The following CAPN3 variants were observed in gnomAD, a reference collection of about 807,000 sequenced individuals.
CAPN3 encodes calpain-3.
Under a neutral mutation model 114.0 loss-of-function variants are expected in CAPN3, and 88 were observed. The observed-to-expected ratio is 0.77, with a 90% CI of 0.65 to 0.92. The LOEUF is 0.92. Ranked by LOEUF, CAPN3 falls within the 40% of genes least tolerant of loss-of-function variation. The probability of loss-of-function intolerance (pLI) is 0.00; values close to 1 mark genes in which losing one functional copy is unlikely to be tolerated. For synonymous variants in CAPN3, 386 were observed against 382.9 expected, an observed-to-expected ratio of 1.01 and a Z score of -0.09; for missense variants, 1,028 against 1,069.0, an observed-to-expected ratio of 0.96 and a Z score of 0.53.
At chr15:42,400,343 C>T (rs2053828974) in intron 10 of CAPN3, among the ~76,000 whole-genome samples, 1 of 152,078 alleles carries the variant, frequency 6.6e-6, no homozygotes, top group Non-Finnish European at 1.5e-5. Context: ...GGAGGGGAGA[C>T]AGCAGATTTA....
intron 14 of CAPN3, chr15:42,403,996 A>G (rs1595839895): frequency 1.5e-6 from 1 of 654,410 alleles, no homozygotes. Flanking sequence ...AGGGGCTGGG[A>G]AATATGGAAG....
chr15:42,363,061 A>G (rs774564279), intron 1 of CAPN3, among the ~76,000 whole-genome samples: 36 of 152,190 alleles, frequency 2.4e-4, no homozygotes, highest in Non-Finnish European at 4.8e-4. Flanking sequence ...GCCAACTATA[A>G]TTCTAGTTAA....
At chr15:42,403,891 G>A in intron 14 of CAPN3, 114 bp downstream of exon 14, 2 of 952,318 alleles carry the variant, frequency 2.1e-6, no homozygotes, top group Non-Finnish European at 3.4e-6. Context: ...GGGAGTCTGG[G>A]CTGTGCTGAG....
intron 7 of CAPN3, 89 bp from the exon 8 acceptor site, chr15:42,394,167 C>G (rs2053630196): frequency 8.2e-7 from 1 of 1,221,500 alleles, no homozygotes; most frequent in South Asian, 1.3e-5. Context: ...AGAGATTTGC[C>G]CCCCAGCCCC....
intron 5 of CAPN3, 138 bp from the exon 6 acceptor site, chr15:42,389,815 T>C (rs1323513803): frequency 1.9e-5 from 18 of 931,502 alleles, no homozygotes; most frequent in Non-Finnish European, 2.9e-5. Flanking sequence ...CCGTCTTTCC[T>C]CCATTCGTGC....
rs1399736863 is a variant in CAPN3, at chr15:42,387,627, C to T, written c.499-126C>T. 8 of 1,187,740 alleles carry T rather than the reference C, an allele frequency of 6.7e-6. No individual in the cohort carries two copies. In the African/African-American group the frequency reaches 1.2e-4, roughly 18 times the overall value. 73.6% of individuals were successfully genotyped at this position (1,187,740 alleles called of 1,614,324 possible). On this transcript the variant is annotated intron_variant, in intron 3 of 23. Transcript: ENST00000397163. ...AACACAAAATAGGATGAACAGGCAC[C>T]CAGATGCAGAGTCCAGGAAATGATG...
At chr15:42,405,992 AT>A (rs768913000) in intron 15 of CAPN3, 49 bp downstream of exon 15, 3 of 1,493,320 alleles carry the variant, frequency 2.0e-6, no homozygotes, top group South Asian at 2.3e-5. Context: ...ATGCATATGT[AT>A]GTGCATGCAT....
chr15:42,408,499 T>A, intron 16 of CAPN3, 175 bp downstream of exon 16: 2 of 615,402 alleles, frequency 3.2e-6, no homozygotes, highest in South Asian at 3.0e-5. Flanking sequence ...GGGCTGCTGC[T>A]TGGGTGAATA....
At chr15:42,405,873 T>G in intron 14 of CAPN3, 53 bp from the exon 15 acceptor site, 3 of 1,506,082 alleles carry the variant, frequency 2.0e-6, no homozygotes, top group Non-Finnish European at 1.8e-6. Flanking sequence ...CTGGCGGTTC[T>G]GAGAACTTAC....
At chr15:42,375,408 T>C (rs995565345) in intron 1 of CAPN3, among the ~76,000 whole-genome samples, 2 of 152,018 alleles carry the variant, frequency 1.3e-5, no homozygotes, top group African/African-American at 2.4e-5. Context: ...GGCTACCTTA[T>C]GGCGCAACCG....
intron 1 of CAPN3, among the ~76,000 whole-genome samples, chr15:42,384,264 T>C (rs1308731140): frequency 3.9e-5 from 6 of 152,032 alleles, no homozygotes; most frequent in Non-Finnish European, 7.4e-5. Flanking sequence ...ATACAAAAAT[T>C]AGCTGGGCAT....
intron 15 of CAPN3, among the ~76,000 whole-genome samples, chr15:42,407,732 A>G (rs1306522729): frequency 1.3e-5 from 2 of 152,132 alleles, no homozygotes; most frequent in African/African-American, 4.8e-5. Flanking sequence ...TTTTCAATCT[A>G]TACTTTGCAG....
Position 42,363,893 on chromosome 15 carries a change from C to G in CAPN3, c.309+3779C>G, listed in dbSNP as rs375671875. Among the ~76,000 whole-genome samples, 11 of 152,192 alleles carry G rather than the reference C, an allele frequency of 7.2e-5. 1 individual carries two copies. In the East Asian group the frequency reaches 1.9e-3, roughly 27 times the overall value. ...TGAGGGTTGGAGCTGGGATTTAAAC[C>G]CACACAATCTGGCTCTAGAGCCCCA... On this transcript the variant is annotated intron_variant, in intron 1 of 23. Transcript: ENST00000397163.
intron 1 of CAPN3, among the ~76,000 whole-genome samples, chr15:42,383,976 A>G (rs941580510): frequency 3.3e-5 from 5 of 152,206 alleles, no homozygotes; most frequent in Admixed American, 2.0e-4. Flanking sequence ...GGCTTCTGCT[A>G]CTTACTAGCT....
chr15:42,392,111 G>C (rs2053570822), intron 6 of CAPN3, among the ~76,000 whole-genome samples: 1 of 152,136 alleles, frequency 6.6e-6, no homozygotes, highest in South Asian at 2.1e-4. Context: ...GTTGCAGTGA[G>C]CCGAGATCGC....
intron 1 of CAPN3, among the ~76,000 whole-genome samples, chr15:42,363,846 T>TCG (rs2141110950): frequency 1.3e-5 from 2 of 149,894 alleles, no homozygotes; most frequent in South Asian, 4.1e-4. Context: ...ATTAAATAAC[T>TCG]CGCGCCAGAT....
At chr15:42,406,854 C>G (rs1037817349) in intron 15 of CAPN3, among the ~76,000 whole-genome samples, 16 of 152,108 alleles carry the variant, frequency 1.1e-4, no homozygotes, top group Non-Finnish European at 2.9e-5. Flanking sequence ...GCTTCAGCTG[C>G]TTGAGCAAGA....
At chr15:42,385,637 G>C (rs747863060) in intron 2 of CAPN3, 3 of 515,764 alleles carry the variant, frequency 5.8e-6, no homozygotes, top group Non-Finnish European at 7.8e-6. Context: ...AAAACGTCCC[G>C]AGCTCATTCC....
At chr15:42,385,535 G>C (rs530844579) in intron 2 of CAPN3, 5,877 of 215,984 alleles carry the variant, frequency 0.027, 226 homozygotes, top group African/African-American at 0.12. Context: ...CACACACAGA[G>C]AGAGAGAGAG....
Sources: gnomAD v4.1 joint callset for allele counts (sites outside exome capture counted in the v4.1 genomes callset) on GRCh38, gnomAD v4.1.1 for gene constraint, MANE v1.5 for transcripts, NCBI Gene and HGNC (gene_info 2026-07-23, HGNC 2026-07-21) for gene names.